The following TRIML1 variants were observed in gnomAD, a reference collection of about 807,000 sequenced individuals.
TRIML1 encodes probable E3 ubiquitin-protein ligase TRIML1.
A neutral mutation model predicts 32.3 loss-of-function variants in TRIML1; 34 were observed. The ratio of observed to expected loss-of-function variants is 1.05; its 90% CI spans 0.80 to 1.40. The LOEUF is 1.40. TRIML1 is among the 40% of genes most tolerant of loss of function. TRIML1 has a pLI of 0.00. For synonymous variants in TRIML1, 244 were observed against 226.6 expected (o/e 1.08, Z -0.69); for missense variants, 595 against 574.9 (o/e 1.03, Z -0.36).
chr4:188,142,609 A>G lies in TRIML1; in HGVS notation c.735+127A>G. 1.9e-5 allele frequency: 13 copies of G among 697,204 alleles called. No homozygotes were observed. In the South Asian group the frequency reaches 2.4e-4, roughly 13 times the overall value. 43.2% of individuals were successfully genotyped at this position (697,204 alleles called of 1,614,324 possible). ...TTCTGGTCCAAAAGTAGTTTTCCTAAAGAATTGACATTCTATATGTCAATA... is the reference window on the plus strand; with the variant it reads ...TTCTGGTCCAAAAGTAGTTTTCCTAGAGAATTGACATTCTATATGTCAATA... On this transcript the variant is annotated intron_variant, in intron 3 of 5. Transcript: ENST00000332517.
At chr4:188,146,767 C>A in intron 5 of TRIML1, 55 bp from the exon 6 acceptor site, 1 of 1,265,312 alleles carries the variant, frequency 7.9e-7, no homozygotes, top group Non-Finnish European at 1.0e-6. Flanking sequence ...TCTCACATAC[C>A]TAAGAGGTTT....
In TRIML1 at chr4:188,146,997, G is replaced by A. The variant is rs765005010; in HGVS notation, c.1032G>A (p.Glu344=). The A allele has an allele frequency of 1.9e-6, 3 of 1,590,220 alleles. No individual in the cohort carries two copies. The highest frequency in any genetic ancestry group is 2.6e-6 in the Non-Finnish European group (3 of 1,167,486). ...TCACCAGTGGGAGACACTACTGGGA[G>A]GTGGAGGTGGGAAACAAGACCGAGT... ...QIFTSGRHYW[E]VEVGNKTEWE... is the part of the protein sequence containing the mutation. The change falls in exon 6 of 6, where the codon GAG becomes GAA. Residue 344 remains glutamate, a synonymous_variant. Coordinates refer to ENST00000332517, the MANE Select transcript of TRIML1 (RefSeq NM_178556.5).
chr4:188,149,089 ATTT>A (rs776724939), downstream of TRIML1, among the ~76,000 whole-genome samples: 3 of 138,440 alleles, frequency 2.2e-5, no homozygotes, highest in Non-Finnish European at 4.7e-5. Flanking sequence ...AAGTTTTTGT[ATTT>A]TTTTTTTTAG....
At position 188,139,917 on chromosome 4, in the gene TRIML1, A is replaced by G. The variant is rs760686478; in HGVS notation, c.359A>G (p.His120Arg). ...GGAAGCGCCTTCGTAGCCCAGAGCC[A>G]TGGTGCAAACAGAGTGCATCTCTCC... ...QGGSAFVAQSHGANRVHLSSE... is the reference protein window; with the variant it reads ...QGGSAFVAQSRGANRVHLSSE... Residue 120 changes from histidine (H) to arginine (R), a missense_variant, in exon 1 of 6, where the codon CAT (histidine) becomes CGT (arginine). His to Arg is a conservative substitution (Grantham distance 29). Transcript: ENST00000332517. 99 of 1,613,708 alleles carry G rather than the reference A, an allele frequency of 6.1e-5. No individual in the cohort carries two copies. The Admixed American group carries it at 1.2e-3, about 20-fold the overall frequency.
At chr4:188,139,000 G>A (rs1343786723), upstream of TRIML1, among the ~76,000 whole-genome samples, 1 of 152,064 alleles carries the variant, frequency 6.6e-6, no homozygotes, top group African/African-American at 2.4e-5. Flanking sequence ...TTAGGCTTTG[G>A]TCAAGCAGAA....
At position 188,142,489 on chromosome 4, in the gene TRIML1, A is replaced by G. The variant is rs1734902008; in HGVS notation, c.735+7A>G. 1 of 1,605,616 alleles carries G rather than the reference A, an allele frequency of 6.2e-7. No homozygotes were observed. ...GGCTTTCGAATCTCTTGAGGTGAGA[A>G]TAACATTCATGAGAGTAATGGGAAA... On this transcript the variant is annotated splice_region_variant and intron_variant, in intron 3 of 5. Transcript: ENST00000332517.
At position 188,145,334 on chromosome 4, in the gene TRIML1, C is replaced by T. The variant is rs180795044; in HGVS notation, c.856+1201C>T. On this transcript the variant is annotated intron_variant, in intron 5 of 5. Transcript: ENST00000332517. ...GTGGGCACCTGTAATCCCAGCTACTCGGGAGGCCTAGGCAGGAGAATCACT... is the reference window on the plus strand; with the variant it reads ...GTGGGCACCTGTAATCCCAGCTACTTGGGAGGCCTAGGCAGGAGAATCACT... Among the ~76,000 whole-genome samples the T allele has an allele frequency of 5.3e-4, 79 of 150,012 alleles. 1 individual carries two copies. Among genetic ancestry groups the T allele is most frequent in the African/African-American group, 1.3e-3 (54 of 40,708 alleles).
intron 2 of TRIML1, 62 bp downstream of exon 2, chr4:188,140,685 T>C (rs897736760): frequency 8.4e-7 from 1 of 1,197,130 alleles, no homozygotes; most frequent in South Asian, 1.3e-5. Flanking sequence ...TAAAGGGAAA[T>C]TTAGTGAAAT....
chr4:188,150,564 T>A (rs1735227116), downstream of TRIML1, among the ~76,000 whole-genome samples: 1 of 152,188 alleles, frequency 6.6e-6, no homozygotes, highest in African/African-American at 2.4e-5. Flanking sequence ...GTGGAGGGAC[T>A]AAATAAATAC....
downstream of TRIML1, among the ~76,000 whole-genome samples, chr4:188,150,524 C>A (rs1735225906): frequency 6.6e-6 from 1 of 152,124 alleles, no homozygotes; most frequent in African/African-American, 2.4e-5. Context: ...TGGAATACAT[C>A]TTTTCTCAAT....
chr4:188,144,230 C>T (rs1734972944), intron 5 of TRIML1, 97 bp downstream of exon 5: 3 of 1,114,630 alleles, frequency 2.7e-6, no homozygotes, highest in Middle Eastern at 2.1e-4. Flanking sequence ...ACACGAGGCT[C>T]CTGGTTAAGG....
At position 188,141,165 on chromosome 4, in the gene TRIML1, GTT is replaced by G. The variant is rs58714915; in HGVS notation, c.504+560_504+561del. Among the ~76,000 whole-genome samples the G allele has an allele frequency of 4.1e-3, 482 of 118,776 alleles. 6 individuals carry two copies. Among genetic ancestry groups the G allele is most frequent in the African/African-American group, 8.4e-3 (282 of 33,390 alleles). The allele number at this position is 118,776 out of a possible 152,430, so 77.9% of individuals were successfully genotyped here. On this transcript the variant is annotated intron_variant, in intron 2 of 5. Coordinates refer to ENST00000332517, the MANE Select transcript of TRIML1 (RefSeq NM_178556.5). The stretch of plus-strand genomic sequence containing the variant: ...ATTCTCCCAATAGACTTTGAAATCT[GTT>G]TTTTTTTTTTTTTTTTTGGAGATGG...
rs1560975221 is a variant in TRIML1 at position 188,147,301 on chromosome 4, T to C, written c.1336T>C (p.Ser446Pro). Residue 446 changes from serine (S) to proline (P), a missense_variant, in exon 6 of 6, where the codon TCC (serine) becomes CCC (proline). By Grantham distance (74) the Ser-to-Pro change is moderately conservative. Transcript: ENST00000332517. Reference protein sequence around the residue: ...SFQEALRPIFSPCLPNEGTNT... With the variant: ...SFQEALRPIFPPCLPNEGTNT... The stretch of plus-strand genomic sequence containing the variant: ...CCAAGAGGCCCTCAGGCCTATCTTT[T>C]CCCCCTGCCTCCCAAATGAGGGGAC... 19 of 1,536,190 alleles carry C rather than the reference T, an allele frequency of 1.2e-5. No individual in the cohort carries two copies. Among genetic ancestry groups the C allele is most frequent in the Non-Finnish European group, 1.7e-5 (19 of 1,143,638 alleles).
chr4:188,137,381 C>A (rs970876366), upstream of TRIML1, among the ~76,000 whole-genome samples: 1 of 139,362 alleles, frequency 7.2e-6, no homozygotes, highest in African/African-American at 2.6e-5. Context: ...TGGCTCACTG[C>A]AACCTCCACC....
intron 1 of TRIML1, 84 bp downstream of exon 1, chr4:188,140,050 G>A (rs568953897): frequency 1.4e-6 from 2 of 1,431,676 alleles, no homozygotes; most frequent in Non-Finnish European, 1.9e-6. Flanking sequence ...CGTCCTCTGT[G>A]GGGGACAGTC....
At chr4:188,149,070 C>T (rs570459815), downstream of TRIML1, among the ~76,000 whole-genome samples, 8 of 151,540 alleles carry the variant, frequency 5.3e-5, no homozygotes, top group East Asian at 5.8e-4. Context: ...CCCACCACCA[C>T]GCCCGGCTAA....
At position 188,139,514 on chromosome 4, in the gene TRIML1, C is replaced by A; in HGVS notation, c.-45C>A. 2 of 1,527,500 alleles carry A rather than the reference C, an allele frequency of 1.3e-6. No homozygotes were observed. Among genetic ancestry groups the A allele is most frequent in the Non-Finnish European group, 1.8e-6 (2 of 1,135,780 alleles). The allele number at this position is 1,527,500 out of a possible 1,614,324, so 94.6% of individuals were successfully genotyped here. On this transcript the variant is annotated 5_prime_UTR_variant, in exon 1 of 6. Transcript: ENST00000332517. Reference sequence around the variant, plus strand: ...GGACGGCAGTGAGGGCTTTGCTAATCCCAGAACAGAGGTGTAACCTGGCTG... The same window carrying A: ...GGACGGCAGTGAGGGCTTTGCTAATACCAGAACAGAGGTGTAACCTGGCTG...
At chr4:188,149,952 G>A (rs11941025), downstream of TRIML1, among the ~76,000 whole-genome samples, 18 of 151,618 alleles carry the variant, frequency 1.2e-4, no homozygotes, top group South Asian at 2.1e-4. Context: ...ACAGGTGCTC[G>A]CGCACCACCA....
Position 188,139,863 on chromosome 4 carries a change from C to G in TRIML1, c.305C>G (p.Ala102Gly), listed in dbSNP as rs767471504. Residue 102 changes from alanine to glycine, a missense_variant, in exon 1 of 6, where the codon GCC becomes GGC. Transcript: ENST00000332517. ...QGSYGRMPTTAKALSDDEQGG... is the reference protein window; with the variant it reads ...QGSYGRMPTTGKALSDDEQGG... ...AGCTACGGGAGGATGCCCACCACTGCCAAGGCGCTCTCCGATGACGAGCAG... is the reference window on the plus strand; with the variant it reads ...AGCTACGGGAGGATGCCCACCACTGGCAAGGCGCTCTCCGATGACGAGCAG... 1.9e-6 allele frequency: 3 copies of G among 1,613,844 alleles called. No individual in the cohort carries two copies. The highest frequency in any genetic ancestry group is 2.5e-6 in the Non-Finnish European group (3 of 1,180,026).
Sources: allele counts gnomAD v4.1 joint callset (sites outside exome capture counted in the v4.1 genomes callset), GRCh38; gene constraint gnomAD v4.1.1; transcripts MANE v1.5; gene names NCBI Gene and HGNC (gene_info 2026-07-23, HGNC 2026-07-21).